The following CEMIP variants were observed in gnomAD, a reference collection of about 807,000 sequenced individuals.
The protein encoded by CEMIP is cell migration-inducing and hyaluronan-binding protein.
CEMIP carries 105 observed loss-of-function variants against 156.9 expected under a neutral mutation model. That is an observed-to-expected ratio of 0.67 (90% CI 0.57 to 0.79). The LOEUF is 0.79. CEMIP is among the 30% of genes least tolerant of loss of function. The probability of loss-of-function intolerance (pLI) is 0.00; values close to 1 mark genes in which losing one functional copy is unlikely to be tolerated. For synonymous variants in CEMIP, 676 were observed against 668.4 expected, an observed-to-expected ratio of 1.01 and a Z score of -0.17; for missense variants, 1,457 against 1,769.4, an observed-to-expected ratio of 0.82 and a Z score of 3.17.
chr15:80,865,650 CT>C (rs60777440), intron 1 of CEMIP, among the ~76,000 whole-genome samples: 9,676 of 134,430 alleles, frequency 0.072, 346 homozygotes, highest in African/African-American at 0.12. Flanking sequence ...ATGCACAGCC[CT>C]TTTTTTTTTT....
intron 1 of CEMIP, among the ~76,000 whole-genome samples, chr15:80,840,118 G>C (rs1235032514): frequency 3.3e-5 from 5 of 152,208 alleles, no homozygotes; most frequent in Admixed American, 2.6e-4. Flanking sequence ...GGAAAGGGGG[G>C]TGTCTAAGTC....
rs373514379 is a variant in CEMIP, at chr15:80,818,932, T to G, written c.-176+39318T>G. ...GCCTACAGAGATCCATCCTGGGGAG[T>G]GGCTTCCAAACTCCTCTCTTCCCAG... On this transcript the variant is annotated intron_variant, in intron 1 of 29. Coordinates refer to ENST00000394685, the MANE Select transcript of CEMIP (RefSeq NM_001293298.2). 3.9e-5 allele frequency among the ~76,000 whole-genome samples: 6 copies of G among 151,996 alleles called. 1 individual carries two copies. Among genetic ancestry groups the G allele is most frequent in the East Asian group, 1.9e-4 (1 of 5,182 alleles).
intron 1 of CEMIP, among the ~76,000 whole-genome samples, chr15:80,866,184 G>T (rs574108667): frequency 6.6e-6 from 1 of 152,164 alleles, no homozygotes; most frequent in East Asian, 1.9e-4. Flanking sequence ...GGGCGAGTCC[G>T]TGAGGGTGAA....
intron 1 of CEMIP, among the ~76,000 whole-genome samples, chr15:80,787,535 C>G (rs548859191): frequency 6.6e-6 from 1 of 152,192 alleles, no homozygotes; most frequent in Non-Finnish European, 1.5e-5. Flanking sequence ...TGTCTGGAGG[C>G]CTTTGCGTCA....
rs953031402 is a variant in CEMIP at position 80,852,295 on chromosome 15, G to A, written c.-175-21243G>A. 2.6e-5 allele frequency among the ~76,000 whole-genome samples: 4 copies of A among 152,242 alleles called. No homozygotes were observed. In the South Asian group the frequency reaches 8.3e-4, roughly 32 times the overall value. On this transcript the variant is annotated intron_variant, in intron 1 of 29. Transcript: ENST00000394685. ...TGGGAGTTAAACCATGTAGTAAGCA[G>A]ATAGCCTGATACCTGGCACACAGAA...
At chr15:80,833,825 C>T (rs919925931) in intron 1 of CEMIP, among the ~76,000 whole-genome samples, 13 of 151,954 alleles carry the variant, frequency 8.6e-5, no homozygotes, top group African/African-American at 3.1e-4. Flanking sequence ...TGCATCACCA[C>T]ACCCAGCTAA....
At chr15:80,948,539 G>A in intron 29 of CEMIP, 1 of 529,606 alleles carries the variant, frequency 1.9e-6, no homozygotes, top group South Asian at 2.0e-5. Context: ...TGCTGTGCAT[G>A]GCTCCCCTGT....
chr15:80,926,584 G>C (rs1408311917), intron 19 of CEMIP, among the ~76,000 whole-genome samples: 2 of 143,664 alleles, frequency 1.4e-5, no homozygotes, highest in Non-Finnish European at 2.9e-5. Flanking sequence ...AGAGGGAAGG[G>C]AGAGAGAGAA....
intron 1 of CEMIP, among the ~76,000 whole-genome samples, chr15:80,846,543 AGCT>A (rs1366811151): frequency 1.1e-4 from 16 of 152,208 alleles, no homozygotes; most frequent in African/African-American, 3.6e-4. Context: ...GATGTGTGCA[AGCT>A]CATCTTCTCA....
intron 12 of CEMIP, among the ~76,000 whole-genome samples, chr15:80,896,854 A>C (rs1899247933): frequency 6.6e-6 from 1 of 152,256 alleles, no homozygotes; most frequent in African/African-American, 2.4e-5. Flanking sequence ...AACCTCCAAA[A>C]GGACAGGGAA....
rs181458509 is a variant in CEMIP at position 80,865,439 on chromosome 15, C to G, written c.-175-8099C>G. Among the ~76,000 whole-genome samples the G allele has an allele frequency of 4.8e-3, 730 of 152,188 alleles. 7 individuals carry two copies. Among genetic ancestry groups the G allele is most frequent in the African/African-American group, 0.017 (691 of 41,518 alleles). ...TCGTGACCCACCAGCCTCGGCCTCC[C>G]AAAGTGCTGGGATTATAGGCGTGAG... is the stretch of plus-strand genomic sequence containing the variant. On this transcript the variant is annotated intron_variant, in intron 1 of 29. Coordinates refer to ENST00000394685, the MANE Select transcript of CEMIP (RefSeq NM_001293298.2).
intron 13 of CEMIP, among the ~76,000 whole-genome samples, chr15:80,907,973 C>T (rs765128429): frequency 6.6e-6 from 1 of 152,118 alleles, no homozygotes; most frequent in Non-Finnish European, 1.5e-5. Flanking sequence ...ACAATGGGGG[C>T]CCTACTGGCA....
At chr15:80,855,782 G>A (rs1414137333) in intron 1 of CEMIP, among the ~76,000 whole-genome samples, 3 of 152,164 alleles carry the variant, frequency 2.0e-5, no homozygotes, top group Non-Finnish European at 4.4e-5. Context: ...CTCAGCCTCT[G>A]AAAGTGCTGG....
chr15:80,932,836 G>C lies in CEMIP; in HGVS notation c.2794-409G>C, dbSNP rs111825758. On this transcript the variant is annotated intron_variant, in intron 22 of 29. Coordinates refer to ENST00000394685, the MANE Select transcript of CEMIP (RefSeq NM_001293298.2). This position sits in a 1 kb window ranked among gnomAD's most constrained non-coding sequence, Gnocchi z 4.5. Reference sequence around the variant, plus strand: ...CGCACACGGATGCCCCCGTGTATGTGTGTGTGTATGTGTAAAAGTGTGTGT... The same window carrying C: ...CGCACACGGATGCCCCCGTGTATGTCTGTGTGTATGTGTAAAAGTGTGTGT... Among the ~76,000 whole-genome samples, 958 of 152,252 alleles carry C rather than the reference G, an allele frequency of 6.3e-3. 12 individuals are homozygous for C. Among genetic ancestry groups the C allele is most frequent in the African/African-American group, 0.021 (874 of 41,540 alleles).
intron 6 of CEMIP, among the ~76,000 whole-genome samples, chr15:80,882,470 T>C (rs995671333): frequency 6.6e-6 from 1 of 152,184 alleles, no homozygotes; most frequent in African/African-American, 2.4e-5. Context: ...TGACACAAAG[T>C]ATGTCAGGGA....
In CEMIP at chr15:80,929,073, G is replaced by T; in HGVS notation, c.2511G>T (p.Leu837Phe). The T allele has an allele frequency of 6.2e-7, 1 of 1,614,210 alleles. No homozygotes were observed. The highest frequency in any genetic ancestry group is 8.5e-7 in the Non-Finnish European group (1 of 1,180,034). The change falls in exon 21 of 30, where the codon TTG (leucine) becomes TTT (phenylalanine). Residue 837 changes from leucine to phenylalanine, a missense_variant. Physicochemically the swap from Leu to Phe is conservative, Grantham distance 22. Around this residue, in one of 5 missense-constraint regions of CEMIP, gnomAD observed 798 missense variants for 980.1 expected, o/e 0.81. Transcript: ENST00000394685. ...DGSKQEIKNS[L>F]FVGESGNVGT... ...CCAAGCAAGAGATAAAGAACAGCTT[G>T]TTTGTTGGCGAGAGTGGCAACGTGG... is the stretch of plus-strand genomic sequence containing the variant.
intron 1 of CEMIP, among the ~76,000 whole-genome samples, chr15:80,833,255 T>C (rs2141683708): frequency 6.6e-6 from 1 of 152,304 alleles, no homozygotes; most frequent in African/African-American, 2.4e-5. Context: ...GCCTGAGCAG[T>C]GGCTGCCCCT....
At chr15:80,900,628 G>GTGTGTGTGTC (rs1899461985) in intron 12 of CEMIP, among the ~76,000 whole-genome samples, 1 of 136,704 alleles carries the variant, frequency 7.3e-6, no homozygotes, top group Non-Finnish European at 1.7e-5. Flanking sequence ...GTGTGTGTGT[G>GTGTGTGTGTC]TGTGTGTGTG....
At chr15:80,810,493 G>A (rs190036342) in intron 1 of CEMIP, among the ~76,000 whole-genome samples, 21 of 152,208 alleles carry the variant, frequency 1.4e-4, no homozygotes, top group African/African-American at 4.6e-4. Context: ...TTAGCCTCCC[G>A]AGTAGCTGGG....
Sources: allele counts gnomAD v4.1 joint callset (sites outside exome capture counted in the v4.1 genomes callset), GRCh38; gene constraint gnomAD v4.1.1; regional missense constraint gnomAD v4.1.1; non-coding constraint Gnocchi (gnomAD v3.1); transcripts MANE v1.5; gene names NCBI Gene and HGNC (gene_info 2026-07-23, HGNC 2026-07-21).